CDH12: variants seen among roughly 807,000 people sequenced by gnomAD.
The protein encoded by CDH12 is cadherin-12.
A neutral mutation model predicts 74.1 loss-of-function variants in CDH12; 41 were observed. The observed-to-expected ratio is 0.55, with a 90% CI of 0.43 to 0.72. The LOEUF (loss-of-function observed/expected upper bound fraction) is 0.72. Ranked by LOEUF, CDH12 falls within the 30% of genes least tolerant of loss-of-function variation. CDH12 has a pLI of 0.00. For synonymous variants in CDH12, 399 were observed against 355.0 expected (o/e 1.12, Z -1.39); for missense variants, 945 against 977.2 (o/e 0.97, Z 0.44).
At chr5:22,266,999 A>G (rs1377498615) in intron 3 of CDH12, among the ~76,000 whole-genome samples, 1 of 152,100 alleles carries the variant, frequency 6.6e-6, no homozygotes, top group African/African-American at 2.4e-5. Flanking sequence ...ACAATTAAAA[A>G]CAAAACCCTT....
intron 1 of CDH12, among the ~76,000 whole-genome samples, chr5:22,851,569 T>C (rs909830220): frequency 1.3e-5 from 2 of 152,156 alleles, no homozygotes; most frequent in Admixed American, 6.5e-5. Context: ...GTAGTTTTCA[T>C]AGAAGGTGGA....
At chr5:22,535,321 ATT>A (rs755568322) in intron 1 of CDH12, among the ~76,000 whole-genome samples, 1 of 150,978 alleles carries the variant, frequency 6.6e-6, no homozygotes, top group Non-Finnish European at 1.5e-5. Flanking sequence ...CGCCCGGCTA[ATT>A]TTTTTTGTAT....
intron 6 of CDH12, among the ~76,000 whole-genome samples, chr5:21,926,440 G>A (rs945064119): frequency 3.9e-5 from 6 of 152,040 alleles, no homozygotes; most frequent in African/African-American, 1.2e-4. Flanking sequence ...GTCTCTCTTT[G>A]TCTTTCCTCT....
At chr5:21,996,755 ACATT>A (rs1317878180) in intron 5 of CDH12, among the ~76,000 whole-genome samples, 1 of 152,218 alleles carries the variant, frequency 6.6e-6, no homozygotes, top group East Asian at 1.9e-4. Flanking sequence ...AAAATACATT[ACATT>A]AAATGGATTT....
At chr5:22,792,288 C>T (rs919492761) in intron 1 of CDH12, among the ~76,000 whole-genome samples, 6 of 151,978 alleles carry the variant, frequency 3.9e-5, no homozygotes, top group African/African-American at 1.2e-4. Flanking sequence ...AGGGTTTCAC[C>T]ATGTTGGCTG....
chr5:22,549,368 T>A (rs145969540), intron 1 of CDH12, among the ~76,000 whole-genome samples: 492 of 152,250 alleles, frequency 3.2e-3, no homozygotes, highest in Non-Finnish European at 5.8e-3. Context: ...TTTCCTTTTT[T>A]TTTTCTTGAG....
intron 9 of CDH12, 152 bp downstream of exon 9, chr5:21,816,793 G>A: frequency 2.1e-6 from 1 of 487,490 alleles, no homozygotes; most frequent in African/African-American, 2.0e-5. Context: ...TTGACGGCAC[G>A]GAGTATCAGT....
At chr5:22,461,809 T>C (rs1745537830) in intron 2 of CDH12, among the ~76,000 whole-genome samples, 1 of 151,942 alleles carries the variant, frequency 6.6e-6, no homozygotes, top group Non-Finnish European at 1.5e-5. Flanking sequence ...TTTTTCATTT[T>C]TGTCATTATA....
chr5:21,805,177 A>G (rs1008578788), intron 9 of CDH12, among the ~76,000 whole-genome samples: 8 of 152,078 alleles, frequency 5.3e-5, no homozygotes, highest in African/African-American at 1.9e-4. Context: ...TGTACCAATC[A>G]TTCCCCATTT....
At chr5:21,825,294 A>G (rs1012233850) in intron 8 of CDH12, among the ~76,000 whole-genome samples, 6 of 152,146 alleles carry the variant, frequency 3.9e-5, no homozygotes, top group Non-Finnish European at 8.8e-5. Flanking sequence ...ATTGTATGTT[A>G]GCTTTATAGT....
chr5:22,755,079 T>C (rs1377677739), intron 1 of CDH12, among the ~76,000 whole-genome samples: 1 of 152,214 alleles, frequency 6.6e-6, no homozygotes, highest in Non-Finnish European at 1.5e-5. Context: ...CTATGGATCT[T>C]ACATAAGGTA....
In CDH12 at chr5:22,436,288, AG is replaced by A. The variant is rs1455660635; in HGVS notation, c.-427-30938del. Among the ~76,000 whole-genome samples, 4 of 894 alleles carry A rather than the reference AG, an allele frequency of 4.5e-3. No homozygotes were observed. In the East Asian group the frequency reaches 0.12, roughly 28 times the overall value. The allele number at this position is 894 out of a possible 152,430, so 0.6% of individuals were successfully genotyped here. ...CTGTTGTGGGGTAGGGGGAGGGGGG[AG>A]GGGGGAGGGGGGAGGGGGGAGGGAT... On this transcript the variant is annotated intron_variant, in intron 2 of 14. Transcript: ENST00000382254.
rs541823126 is a variant in CDH12 at position 22,305,885 on chromosome 5, G to A, written c.-332-93242C>T. 3.3e-5 allele frequency among the ~76,000 whole-genome samples: 5 copies of A among 151,888 alleles called. No homozygotes were observed. In the South Asian group the frequency reaches 1.0e-3, roughly 32 times the overall value. ...TCCTTTCTTCTTTCTTAGTATTTCT[G>A]TCCACCTTCTTGCCCACTTTCACAC... On this transcript the variant is annotated intron_variant, in intron 3 of 14. Coordinates refer to ENST00000382254, the MANE Select transcript of CDH12 (RefSeq NM_004061.5).
intron 1 of CDH12, among the ~76,000 whole-genome samples, chr5:22,671,996 C>A (rs888617532): frequency 2.2e-5 from 3 of 136,666 alleles, no homozygotes; most frequent in African/African-American, 8.2e-5. Context: ...ACCATCTTTA[C>A]TGAAGCATTT....
intron 1 of CDH12, among the ~76,000 whole-genome samples, chr5:22,830,835 C>T (rs1383842313): frequency 6.6e-6 from 1 of 151,366 alleles, no homozygotes; most frequent in East Asian, 1.9e-4. Flanking sequence ...AATGTATGTG[C>T]ACTATAATTT....
At chr5:22,693,726 C>G (rs1198345570) in intron 1 of CDH12, among the ~76,000 whole-genome samples, 2 of 149,558 alleles carry the variant, frequency 1.3e-5, no homozygotes, top group Admixed American at 6.7e-5. Context: ...TCTTCATGCT[C>G]TATAATTTAC....
At chr5:22,306,862 A>T (rs539204244) in intron 3 of CDH12, among the ~76,000 whole-genome samples, 1 of 152,362 alleles carries the variant, frequency 6.6e-6, no homozygotes, top group South Asian at 2.1e-4. Flanking sequence ...AAGATCTTAC[A>T]GTTTTAAAAT....
chr5:22,524,494 A>T (rs1485995529), intron 1 of CDH12, among the ~76,000 whole-genome samples: 1 of 152,148 alleles, frequency 6.6e-6, no homozygotes, highest in African/African-American at 2.4e-5. Flanking sequence ...AAGCACTGAA[A>T]CTGTACACTA....
At chr5:22,513,407 C>T (rs271092) in intron 1 of CDH12, among the ~76,000 whole-genome samples, 7,454 of 152,088 alleles carry the variant, frequency 0.049, 292 homozygotes, top group East Asian at 0.16. Flanking sequence ...GCTTTTCTCC[C>T]ACAAGCACTC....
Sources: gnomAD v4.1 joint callset for allele counts (sites outside exome capture counted in the v4.1 genomes callset) on GRCh38, gnomAD v4.1.1 for gene constraint, MANE v1.5 for transcripts, NCBI Gene and HGNC (gene_info 2026-07-23, HGNC 2026-07-21) for gene names.